The following CSNK1G2 variants were observed in gnomAD, a reference collection of about 807,000 sequenced individuals.
The protein encoded by CSNK1G2 is casein kinase I isoform gamma-2.
CSNK1G2 carries 11 observed loss-of-function variants against 48.0 expected under a neutral mutation model. The observed-to-expected ratio is 0.23, with a 90% CI of 0.14 to 0.38. The LOEUF is 0.38. CSNK1G2 is among the 10% of genes least tolerant of loss of function. The pLI is 1.00. For missense variants in CSNK1G2, 446 were observed against 595.5 expected (o/e 0.75, Z 2.61); for synonymous variants, 337 against 254.1 (o/e 1.33, Z -3.10).
intron 1 of CSNK1G2, among the ~76,000 whole-genome samples, chr19:1,964,001 G>C (rs946514973): frequency 1.3e-5 from 2 of 151,892 alleles, no homozygotes; most frequent in African/African-American, 4.8e-5. Flanking sequence ...ATTTTTAGTA[G>C]AGACAGGGTT....
In CSNK1G2 at chr19:1,950,429, G is replaced by A. The variant is rs922218912; in HGVS notation, c.-266+9011G>A. 5.4e-5 allele frequency among the ~76,000 whole-genome samples: 8 copies of A among 147,108 alleles called. 1 individual carries two copies. The highest frequency in any genetic ancestry group is 2.2e-4 in the South Asian group (1 of 4,588). On this transcript the variant is annotated intron_variant, in intron 1 of 11. Transcript: ENST00000255641. ...GCTGGGATTACAGGCGTGAGCCACC[G>A]CGCCTGGCCATCAATGTTTATTTTT... is the stretch of plus-strand genomic sequence containing the variant.
At chr19:1,970,305 T>C (rs954479116) in intron 2 of CSNK1G2, among the ~76,000 whole-genome samples, 1 of 152,242 alleles carries the variant, frequency 6.6e-6, no homozygotes, top group Non-Finnish European at 1.5e-5. Flanking sequence ...AGCCCCGGCT[T>C]TAACGGCAGG....
chr19:1,979,786 C>T lies in CSNK1G2; in HGVS notation c.1037C>T (p.Pro346Leu). 7 of 1,607,372 alleles carry T rather than the reference C, an allele frequency of 4.4e-6. No individual in the cohort carries two copies. Among genetic ancestry groups the T allele is most frequent in the Non-Finnish European group, 5.9e-6 (7 of 1,178,874 alleles). The change falls in exon 10 of 12, where the codon CCC (proline) becomes CTC (leucine). Residue 346 changes from proline to leucine, a missense_variant. Pro to Leu is a moderately conservative substitution (Grantham distance 98). This residue lies in a region of CSNK1G2 where 188 missense variants were observed against 179.6 expected (regional missense o/e 1.05). Transcript: ENST00000255641. ...TPIGTVHTDL[P>L]SQPQLRDKTQ... ...ATCGGCACCGTCCACACCGACCTGC[C>T]CTCCCAGCCTCAGCTCCGGGACAAA...
chr19:1,959,465 C>T lies in CSNK1G2; in HGVS notation c.-265-10043C>T, dbSNP rs1010634919. 5.3e-5 allele frequency among the ~76,000 whole-genome samples: 8 copies of T among 150,264 alleles called. No homozygotes were observed. In the South Asian group the frequency reaches 1.7e-3, roughly 31 times the overall value. ...AGACCCTACAGGCTGCGGCTGAGCC[C>T]CCAGCACCCGCCCCACCTTTAATGC... On this transcript the variant is annotated intron_variant, in intron 1 of 11. Coordinates refer to ENST00000255641, the MANE Select transcript of CSNK1G2 (RefSeq NM_001319.7).
intron 2 of CSNK1G2, among the ~76,000 whole-genome samples, chr19:1,970,177 C>T (rs1233395837): frequency 6.6e-6 from 1 of 152,238 alleles, no homozygotes; most frequent in African/African-American, 2.4e-5. Flanking sequence ...GGCCCTGTCA[C>T]CTTTTCGGGA....
chr19:1,970,370 A>C (rs542521868), intron 2 of CSNK1G2, among the ~76,000 whole-genome samples: 93 of 152,354 alleles, frequency 6.1e-4, no homozygotes, highest in Middle Eastern at 3.4e-3. Flanking sequence ...AGCTGGCGTC[A>C]GGTGGCTGGA....
chr19:1,979,680 C>T (rs201521868), intron 9 of CSNK1G2, 37 bp downstream of exon 9: 3 of 1,601,236 alleles, frequency 1.9e-6, no homozygotes, highest in Non-Finnish European at 2.5e-6. Context: ...GAGCGGGGGA[C>T]CGGGAAACTG....
rs539732736 is a variant in CSNK1G2 at position 1,978,052 on chromosome 19, G to C, written c.188-253G>C. ...CTTCTGTCCTGGGCTAGGGAGGTGG[G>C]GGGGCGGGGGAGGAGGAGTGGCAGA... On this transcript the variant is annotated intron_variant, in intron 2 of 11. Transcript: ENST00000255641. The surrounding 1 kb of genome is among the most constrained non-coding windows in gnomAD (Gnocchi z 7.3). Among the ~76,000 whole-genome samples the C allele has an allele frequency of 6.6e-5, 10 of 152,276 alleles. No homozygotes were observed. The South Asian group carries it at 1.9e-3, about 28-fold the overall frequency.
intron 2 of CSNK1G2, among the ~76,000 whole-genome samples, chr19:1,972,126 G>A (rs796136148): frequency 6.6e-5 from 10 of 152,328 alleles, no homozygotes; most frequent in African/African-American, 2.2e-4. Context: ...TGGCATTTTG[G>A]GCGCTGTGTG....
In CSNK1G2 at chr19:1,975,630, A is replaced by C. The variant is rs1031437682; in HGVS notation, c.188-2675A>C. ...GAATCCACTGTGAATCCCACCTCCG[A>C]AGGGCAGCGCAGGAAGGACACGCAA... On this transcript the variant is annotated intron_variant, in intron 2 of 11. Coordinates refer to ENST00000255641, the MANE Select transcript of CSNK1G2 (RefSeq NM_001319.7). The C allele has an allele frequency of 9.1e-6, 9 of 985,244 alleles. No homozygotes were observed. In the African/African-American group the frequency reaches 1.6e-4, roughly 17 times the overall value. The allele number at this position is 985,244 out of a possible 1,614,324, so 61.0% of individuals were successfully genotyped here.
intron 1 of CSNK1G2, among the ~76,000 whole-genome samples, chr19:1,952,362 G>A (rs1025596820): frequency 5.3e-5 from 8 of 151,228 alleles, no homozygotes; most frequent in African/African-American, 7.3e-5. Context: ...TTGCTCTGTC[G>A]CTCAGGCTGG....
At position 1,978,565 on chromosome 19, in the gene CSNK1G2, T is replaced by C. The variant is rs1290747921; in HGVS notation, c.299-37T>C. The C allele has an allele frequency of 6.4e-7, 1 of 1,571,210 alleles. No individual in the cohort carries two copies. The highest frequency in any genetic ancestry group is 1.4e-5 in the African/African-American group (1 of 73,818). ...GGCTGCGCAGGGGCAGGGAGGGGGC[T>C]GCCGCCGCACGCCCGTGCGTCTGTC... On this transcript the variant is annotated intron_variant, in intron 4 of 11. Transcript: ENST00000255641. The surrounding 1 kb of genome is among the most constrained non-coding windows in gnomAD (Gnocchi z 7.3).
chr19:1,977,437 C>T (rs767287635), intron 2 of CSNK1G2, among the ~76,000 whole-genome samples: 1 of 152,196 alleles, frequency 6.6e-6, no homozygotes. Flanking sequence ...CCGCCTCCTT[C>T]CTCAGGGGGT....
At chr19:1,953,773 CT>C in intron 1 of CSNK1G2, 1 of 467,812 alleles carries the variant, frequency 2.1e-6, no homozygotes. Context: ...GCCTTGCCCC[CT>C]CCCCCCGCAT....
At chr19:1,962,406 C>T (rs1432380032) in intron 1 of CSNK1G2, among the ~76,000 whole-genome samples, 2 of 151,940 alleles carry the variant, frequency 1.3e-5, no homozygotes, top group Non-Finnish European at 2.9e-5. Flanking sequence ...ACAGCTCACG[C>T]CTATAATCCC....
Position 1,969,680 on chromosome 19 carries a change from T to C in CSNK1G2, c.-93T>C. ...CCGCCCACCGGCCGCAGTGATGTTC[T>C]AGCCACAGAGGAGCCAAGACCTCAG... is the stretch of plus-strand genomic sequence containing the variant. On this transcript the variant is annotated 5_prime_UTR_variant, in exon 2 of 12. The change abolishes the stop of an existing upstream ORF in the 5' untranslated region. Coordinates refer to ENST00000255641, the MANE Select transcript of CSNK1G2 (RefSeq NM_001319.7). 9.0e-7 allele frequency: 1 copy of C among 1,107,356 alleles called. No individual in the cohort carries two copies. The highest frequency in any genetic ancestry group is 1.2e-6 in the Non-Finnish European group (1 of 861,846). The allele number at this position is 1,107,356 out of a possible 1,614,324, so 68.6% of individuals were successfully genotyped here. A position where few individuals can be genotyped will look rare whatever the true frequency, so the allele number is the denominator to read the frequency against.
chr19:1,965,654 C>A (rs2015343225), intron 1 of CSNK1G2, among the ~76,000 whole-genome samples: 1 of 152,066 alleles, frequency 6.6e-6, no homozygotes, highest in Non-Finnish European at 1.5e-5. Context: ...GTGCGTGCCA[C>A]CATGCCCAGC....
chr19:1,965,227 C>CA (rs567764233), intron 1 of CSNK1G2, among the ~76,000 whole-genome samples: 1 of 149,428 alleles, frequency 6.7e-6, no homozygotes, highest in Non-Finnish European at 1.5e-5. Flanking sequence ...ACTAAAAATA[C>CA]AAAAAATTAA....
At chr19:1,944,988 T>C (rs2014501564) in intron 1 of CSNK1G2, among the ~76,000 whole-genome samples, 1 of 152,226 alleles carries the variant, frequency 6.6e-6, no homozygotes, top group Non-Finnish European at 1.5e-5. Flanking sequence ...AGCAAGGGCA[T>C]GGGACAAAGC....
Sources: gnomAD v4.1 joint callset for allele counts (sites outside exome capture counted in the v4.1 genomes callset) on GRCh38, gnomAD v4.1.1 for gene constraint, gnomAD v4.1.1 regional missense constraint, Gnocchi (gnomAD v3.1) non-coding constraint, MANE v1.5 for transcripts, NCBI Gene and HGNC (gene_info 2026-07-23, HGNC 2026-07-21) for gene names.